ERMAP: variants seen among roughly 807,000 people sequenced by gnomAD.
ERMAP encodes the protein erythroblast membrane associated protein (Scianna blood group).
Under a neutral mutation model 49.5 loss-of-function variants are expected in ERMAP, and 34 were observed. The observed-to-expected ratio is 0.69, with a 90% CI of 0.52 to 0.91. The LOEUF (loss-of-function observed/expected upper bound fraction) is 0.91, where lower values mean the gene tolerates loss of function less well. Among genes scored for constraint, ERMAP ranks in the 40% least tolerant of loss-of-function variants. The pLI is 0.00. For synonymous variants in ERMAP, 214 were observed against 232.2 expected (o/e 0.92, Z 0.71); for missense variants, 541 against 582.6 (o/e 0.93, Z 0.74).
chr1:42,842,375 A>C, intron 11 of ERMAP, 142 bp from the exon 12 acceptor site: 1 of 667,464 alleles, frequency 1.5e-6, no homozygotes, highest in Non-Finnish European at 2.5e-6. Flanking sequence ...GTTCCAGTAC[A>C]CATGGTGGGG....
At chr1:42,827,696 G>C (rs1654595228) in intron 2 of ERMAP, among the ~76,000 whole-genome samples, 1 of 152,140 alleles carries the variant, frequency 6.6e-6, no homozygotes, top group Non-Finnish European at 1.5e-5. Flanking sequence ...ATTTGTTGGG[G>C]AAAATTTCTT....
intron 3 of ERMAP, 108 bp downstream of exon 3, chr1:42,830,641 G>A (rs1351713583): frequency 3.4e-5 from 49 of 1,454,762 alleles, no homozygotes; most frequent in Middle Eastern, 1.7e-4. Context: ...CTGTTCCCCC[G>A]GCCCTGGCAA....
intron 1 of ERMAP, 160 bp downstream of exon 1, chr1:42,817,413 A>C: frequency 3.2e-6 from 1 of 315,948 alleles, no homozygotes; most frequent in South Asian, 5.1e-5. Context: ...ATGGCTGGAA[A>C]CCCGCGTAGA....
chr1:42,839,934 T>C, intron 8 of ERMAP, 99 bp from the exon 9 acceptor site: 2 of 1,197,246 alleles, frequency 1.7e-6, no homozygotes, highest in East Asian at 4.6e-5. Flanking sequence ...AGCTATTGAG[T>C]ATCTGTCTGC....
In ERMAP at chr1:42,842,739, A is replaced by C. The variant is rs762236647; in HGVS notation, c.935A>C (p.Glu312Ala). ...KTKWILGVCS[E>A]SVSRKGKVTA... ...AAATGGATTCTTGGAGTATGTAGTG[A>C]GTCAGTGAGCAGGAAGGGGAAGGTT... The change falls in exon 12 of 12, where the codon GAG becomes GCG. Residue 312 changes from glutamate (E) to alanine (A), a missense_variant. Coordinates refer to ENST00000372517, the MANE Select transcript of ERMAP (RefSeq NM_001017922.2). 8 of 1,614,178 alleles carry C rather than the reference A, an allele frequency of 5.0e-6. No individual in the cohort carries two copies. The highest frequency in any genetic ancestry group is 6.8e-6 in the Non-Finnish European group (8 of 1,180,028).
Position 42,834,712 on chromosome 1 carries a change from C to T in ERMAP, c.434-326C>T, listed in dbSNP as rs758230722. The T allele has an allele frequency of 1.4e-4, 35 of 243,152 alleles. No individual in the cohort carries two copies. In the Middle Eastern group the frequency reaches 4.7e-3, roughly 33 times the overall value. The allele number at this position is 243,152 out of a possible 1,614,324, so 15.1% of individuals were successfully genotyped here. A position where few individuals can be genotyped will look rare whatever the true frequency, so the allele number is the denominator to read the frequency against. ...CTGGGATTACAGGTGCCCGCCACCA[C>T]ACCTGGCTAATTTTTGTATTTTTAG... On this transcript the variant is annotated intron_variant, in intron 4 of 11. Transcript: ENST00000372517.
intron 2 of ERMAP, 120 bp from the exon 3 acceptor site, chr1:42,830,324 C>G: frequency 1.3e-6 from 1 of 790,774 alleles, no homozygotes; most frequent in Non-Finnish European, 2.1e-6. Context: ...GGGATTGGAG[C>G]CCCGGCCTTT....
chr1:42,839,971 T>G, intron 8 of ERMAP, 62 bp from the exon 9 acceptor site: 1 of 1,515,332 alleles, frequency 6.6e-7, no homozygotes, highest in South Asian at 1.1e-5. Context: ...ACTGTAGCAT[T>G]ATGGGAGGGC....
chr1:42,824,054 A>T (rs1654468477), intron 1 of ERMAP, among the ~76,000 whole-genome samples: 2 of 152,200 alleles, frequency 1.3e-5, no homozygotes, highest in South Asian at 4.1e-4. Context: ...AAGAATGTTC[A>T]GGGCACGAGG....
In ERMAP at chr1:42,819,839, T is replaced by C. The variant is rs1228637535; in HGVS notation, c.-122+2586T>C. Among the ~76,000 whole-genome samples the C allele has an allele frequency of 6.6e-6, 1 of 152,094 alleles. No individual in the cohort carries two copies. The highest frequency in any genetic ancestry group is 6.5e-5 in the Admixed American group (1 of 15,272). ...TCCAAACTCCTCTGCTTAGCCTTGC[T>C]TCACAGCTCTTGTCCTAGGATTAGG... On this transcript the variant is annotated intron_variant, in intron 1 of 11. Transcript: ENST00000372517. The surrounding 1 kb of genome is among the most constrained non-coding windows in gnomAD (Gnocchi z 5.1).
intron 1 of ERMAP, chr1:42,824,828 T>C (rs6600425): frequency 1 from 151,822 of 152,308 alleles, 75,674 homozygotes; most frequent in Middle Eastern, 1. Context: ...TTGGTGAACT[T>C]CTGGGCTGCA....
chr1:42,837,215 T>A (rs779974745), intron 7 of ERMAP, 25 bp downstream of exon 7: 1 of 1,608,420 alleles, frequency 6.2e-7, no homozygotes, highest in South Asian at 1.1e-5. Flanking sequence ...GAGTAAGGGG[T>A]AGGGAACAAA....
intron 1 of ERMAP, among the ~76,000 whole-genome samples, chr1:42,820,687 C>T (rs1654382664): frequency 6.6e-6 from 1 of 152,126 alleles, no homozygotes; most frequent in African/African-American, 2.4e-5. Context: ...TGATCCCCGA[C>T]TTTCCTTTTT....
At chr1:42,817,381 C>A in intron 1 of ERMAP, 128 bp downstream of exon 1, 1 of 509,072 alleles carries the variant, frequency 2.0e-6, no homozygotes, top group Non-Finnish European at 2.7e-6. Flanking sequence ...CCCGCAGGAG[C>A]GGCCGCGCGT....
At chr1:42,831,158 G>A in intron 4 of ERMAP, 43 bp downstream of exon 4, 9 of 1,590,730 alleles carry the variant, frequency 5.7e-6, no homozygotes, top group South Asian at 1.1e-5. Flanking sequence ...TGTGGCAATT[G>A]GACAAGCTTA....
At position 42,835,821 on chromosome 1, in the gene ERMAP, G is replaced by GC. The variant is rs35767222; in HGVS notation, c.583+63dup. On this transcript the variant is annotated intron_variant, in intron 6 of 11. Coordinates refer to ENST00000372517, the MANE Select transcript of ERMAP (RefSeq NM_001017922.2). The stretch of plus-strand genomic sequence containing the variant: ...TGTTTCTTTTGTTGTTAATTTCTGT[G>GC]CCCCCCATACCCACTAACCTGGATT... 1,297 of 1,584,468 alleles carry GC rather than the reference G, an allele frequency of 8.2e-4. 7 individuals are homozygous for GC. In the African/African-American group the frequency reaches 0.016, roughly 19 times the overall value.
intron 4 of ERMAP, chr1:42,834,626 G>A: frequency 4.0e-6 from 1 of 253,150 alleles, no homozygotes; most frequent in Non-Finnish European, 7.8e-6. Flanking sequence ...TGTGACCTTG[G>A]CTCACTGCAA....
At chr1:42,839,929 T>C in intron 8 of ERMAP, 104 bp from the exon 9 acceptor site, 1 of 1,151,464 alleles carries the variant, frequency 8.7e-7, no homozygotes, top group Admixed American at 2.0e-5. Flanking sequence ...GGTATAGCTA[T>C]TGAGTATCTG....
chr1:42,819,763 CT>C lies in ERMAP; in HGVS notation c.-122+2522del, dbSNP rs374844500. Among the ~76,000 whole-genome samples the C allele has an allele frequency of 1.3e-3, 195 of 145,108 alleles. No individual in the cohort carries two copies. Among genetic ancestry groups the C allele is most frequent in the Middle Eastern group, 3.7e-3 (1 of 270 alleles). On this transcript the variant is annotated intron_variant, in intron 1 of 11. Transcript: ENST00000372517. The surrounding 1 kb of genome is among the most constrained non-coding windows in gnomAD (Gnocchi z 5.1). ...TGTGAACCAGGTCATTTACCAGTGT[CT>C]TTTTTTTTTTTCTTGGCAGCATCCC...
Sources: allele counts gnomAD v4.1 joint callset (sites outside exome capture counted in the v4.1 genomes callset), GRCh38; gene constraint gnomAD v4.1.1; non-coding constraint Gnocchi (gnomAD v3.1); transcripts MANE v1.5; gene names NCBI Gene and HGNC (gene_info 2026-07-23, HGNC 2026-07-21).